Variants in CALN1 observed in about 807,000 individuals in gnomAD.
The protein encoded by CALN1 is calneuron 1, also known as calcium-binding protein 8.
CALN1 carries 17 observed loss-of-function variants against 30.6 expected under a neutral mutation model. The ratio of observed to expected loss-of-function variants is 0.56; its 90% CI spans 0.38 to 0.83. The LOEUF (loss-of-function observed/expected upper bound fraction) is 0.83. Ranked by LOEUF, CALN1 falls within the 40% of genes least tolerant of loss-of-function variation. CALN1 has a pLI of 0.00. For missense variants in CALN1, 291 were observed against 354.9 expected, an observed-to-expected ratio of 0.82 and a Z score of 1.45; for synonymous variants, 156 against 131.4, an observed-to-expected ratio of 1.19 and a Z score of -1.28.
the CALN1 span, among the ~76,000 whole-genome samples, chr7:72,478,887 C>CTT: frequency 1.1e-3 from 154 of 139,282 alleles, no homozygotes; most frequent in Middle Eastern, 3.7e-3. Flanking sequence ...CGAACCACTT[C>CTT]TTTTTTTTTT....
chr7:72,476,932 C>T, the CALN1 span, among the ~76,000 whole-genome samples: 2 of 152,190 alleles, frequency 1.3e-5, no homozygotes, highest in Non-Finnish European at 2.9e-5. Context: ...GGTGCGTCGC[C>T]AGGCGCCGTG....
intron 6 of CALN1, among the ~76,000 whole-genome samples, chr7:71,789,939 T>G (rs2115864708): frequency 6.8e-6 from 1 of 146,922 alleles, no homozygotes; most frequent in South Asian, 2.1e-4. Flanking sequence ...CTACAAAAAA[T>G]AATAAAAAAA....
At position 72,169,491 on chromosome 7, in the gene CALN1, T is replaced by TTA. The variant is rs1554463673; in HGVS notation, c.245-63198_245-63197insTA. On this transcript the variant is annotated intron_variant, in intron 3 of 6. Coordinates refer to ENST00000395275, the MANE Select transcript of CALN1 (RefSeq NM_031468.4). Reference sequence around the variant, plus strand: ...CATGCCACCACACCCAGCTGATTATTTTTTTTTTTTTTTCAGATACAGAAT... The same window carrying TTA: ...CATGCCACCACACCCAGCTGATTATTTATTTTTTTTTTTTTCAGATACAGAAT... Among the ~76,000 whole-genome samples the TTA allele has an allele frequency of 6.5e-4, 63 of 97,446 alleles. 1 individual carries two copies. Among genetic ancestry groups the TTA allele is most frequent in the South Asian group, 1.6e-3 (6 of 3,828 alleles). The allele number at this position is 97,446 out of a possible 152,430, so 63.9% of individuals were successfully genotyped here. A position where few individuals can be genotyped will look rare whatever the true frequency, so the allele number is the denominator to read the frequency against.
At chr7:72,245,651 T>C (rs1163937540) in intron 3 of CALN1, among the ~76,000 whole-genome samples, 1 of 149,892 alleles carries the variant, frequency 6.7e-6, no homozygotes, top group East Asian at 1.9e-4. Flanking sequence ...AATAAATAAA[T>C]AAATAAATAA....
chr7:71,949,823 A>G (rs1190190784), intron 5 of CALN1, among the ~76,000 whole-genome samples: 1 of 151,036 alleles, frequency 6.6e-6, no homozygotes. Context: ...GTGCAGTGGC[A>G]CGATCTTGGC....
intron 2 of CALN1, among the ~76,000 whole-genome samples, chr7:72,353,381 C>G (rs1803046743): frequency 6.6e-6 from 1 of 152,102 alleles, no homozygotes; most frequent in Non-Finnish European, 1.5e-5. Flanking sequence ...GACATCTTGA[C>G]AAGGTGGAGT....
chr7:72,048,333 C>G (rs895474818), intron 4 of CALN1, among the ~76,000 whole-genome samples: 1 of 152,122 alleles, frequency 6.6e-6, no homozygotes, highest in South Asian at 2.1e-4. Context: ...GCCACCACAC[C>G]CAGCCCATAT....
At chr7:71,996,725 T>C (rs1232867725) in intron 5 of CALN1, among the ~76,000 whole-genome samples, 2 of 152,212 alleles carry the variant, frequency 1.3e-5, no homozygotes, top group Admixed American at 6.5e-5. Flanking sequence ...CCATGGCACA[T>C]GTTTACCTAT....
Position 72,220,104 on chromosome 7 carries a change from A to G in CALN1, c.244+58582T>C, listed in dbSNP as rs1308325646. Among the ~76,000 whole-genome samples, 5 of 151,578 alleles carry G rather than the reference A, an allele frequency of 3.3e-5. No individual in the cohort carries two copies. In the East Asian group the frequency reaches 9.7e-4, roughly 29 times the overall value. On this transcript the variant is annotated intron_variant, in intron 3 of 6. Transcript: ENST00000395275. ...CGTGCACAATGTGCAGGTTTGTTACATATGTATACATGTGCCATGCTGGTG... is the reference window on the plus strand; with the variant it reads ...CGTGCACAATGTGCAGGTTTGTTACGTATGTATACATGTGCCATGCTGGTG...
chr7:72,411,327 G>A (rs1033908124), intron 1 of CALN1, among the ~76,000 whole-genome samples: 18 of 151,938 alleles, frequency 1.2e-4, no homozygotes, highest in African/African-American at 4.4e-4. Context: ...TGAGACCTAA[G>A]TCTCAGGACA....
intron 2 of CALN1, among the ~76,000 whole-genome samples, chr7:72,331,556 G>A (rs1351256819): frequency 6.6e-6 from 1 of 152,202 alleles, no homozygotes; most frequent in Admixed American, 6.5e-5. Context: ...TAGCCTGGGA[G>A]GGTTCTTGGC....
intron 5 of CALN1, among the ~76,000 whole-genome samples, chr7:72,014,115 T>C (rs988533693): frequency 9.3e-5 from 14 of 150,688 alleles, no homozygotes; most frequent in Non-Finnish European, 2.1e-4. Flanking sequence ...TAGATGGAGT[T>C]TCACTCTATT....
chr7:72,206,053 GT>G (rs1791856477), intron 3 of CALN1, among the ~76,000 whole-genome samples: 1 of 152,136 alleles, frequency 6.6e-6, no homozygotes, highest in African/African-American at 2.4e-5. Context: ...CATTATTAGA[GT>G]TTTTAAAGTG....
chr7:71,949,625 C>T (rs1357039098), intron 5 of CALN1, among the ~76,000 whole-genome samples: 8 of 151,842 alleles, frequency 5.3e-5, no homozygotes, highest in Non-Finnish European at 1.0e-4. Flanking sequence ...AGTGATTCAC[C>T]CACCCCGGCC....
At chr7:72,316,167 A>AC (rs1800432500) in intron 2 of CALN1, among the ~76,000 whole-genome samples, 1 of 150,526 alleles carries the variant, frequency 6.6e-6, no homozygotes, top group African/African-American at 2.4e-5. Flanking sequence ...AAGAAAGAAA[A>AC]AAAAGAATTT....
chr7:72,190,663 A>C (rs1790532389), intron 3 of CALN1, among the ~76,000 whole-genome samples: 1 of 152,220 alleles, frequency 6.6e-6, no homozygotes, highest in Admixed American at 6.5e-5. Context: ...TTTCAGAAAA[A>C]TTATTTTTTA....
chr7:72,175,077 A>T (rs1789249644), intron 3 of CALN1, among the ~76,000 whole-genome samples: 1 of 151,622 alleles, frequency 6.6e-6, no homozygotes, highest in South Asian at 2.1e-4. Flanking sequence ...CAATATAATC[A>T]ATTTTTTTTT....
chr7:71,920,679 G>C (rs1474462677), intron 5 of CALN1, among the ~76,000 whole-genome samples: 1 of 152,004 alleles, frequency 6.6e-6, no homozygotes, highest in African/African-American at 2.4e-5. Flanking sequence ...TTGTAAAATG[G>C]GCATAATATG....
At chr7:72,421,571 TAC>T (rs962429867) in intron 1 of CALN1, among the ~76,000 whole-genome samples, 1 of 134,820 alleles carries the variant, frequency 7.4e-6, no homozygotes, top group African/African-American at 2.8e-5. Flanking sequence ...CATTTTATCC[TAC>T]TTTTTTTTTT....
Sources: gnomAD v4.1 joint callset for allele counts (sites outside exome capture counted in the v4.1 genomes callset) on GRCh38, gnomAD v4.1.1 for gene constraint, MANE v1.5 for transcripts, NCBI Gene and HGNC (gene_info 2026-07-23, HGNC 2026-07-21) for gene names.